Variants in NRXN3 observed in about 807,000 individuals in gnomAD.
NRXN3 encodes neurexin 3.
In NRXN3, 32 loss-of-function variants were observed where a neutral mutation model predicts 137.6. The ratio of observed to expected loss-of-function variants is 0.23; its 90% CI spans 0.18 to 0.31. The LOEUF is 0.31. Among genes scored for constraint, NRXN3 ranks in the 10% least tolerant of loss-of-function variants. The pLI is 1.00. For synonymous variants in NRXN3, 798 were observed against 784.5 expected (o/e 1.02, Z -0.29); for missense variants, 1,574 against 2,062.5 (o/e 0.76, Z 4.59).
At chr14:79,069,087 C>T (rs2099684248) in intron 15 of NRXN3, among the ~76,000 whole-genome samples, 1 of 152,000 alleles carries the variant, frequency 6.6e-6, no homozygotes, top group African/African-American at 2.4e-5. Context: ...CTGAATTTCT[C>T]TCCAGGGCAT....
intron 10 of NRXN3, among the ~76,000 whole-genome samples, chr14:78,849,951 A>G (rs1805531996): frequency 6.6e-6 from 1 of 152,134 alleles, no homozygotes; most frequent in African/African-American, 2.4e-5. Flanking sequence ...GAACAATAAG[A>G]CCCTGTGCCA....
chr14:78,248,184 T>C lies in NRXN3; in HGVS notation c.709+4382T>C, dbSNP rs566044904. Among the ~76,000 whole-genome samples, 148 of 152,158 alleles carry C rather than the reference T, an allele frequency of 9.7e-4. No homozygotes were observed. The South Asian group carries it at 0.01, about 10-fold the overall frequency. ...TTTGTCTCGATACTTAGCTGTTATGTTTTCAAGTGTTGGAATCCTCTAGTG... is the reference window on the plus strand; with the variant it reads ...TTTGTCTCGATACTTAGCTGTTATGCTTTCAAGTGTTGGAATCCTCTAGTG... On this transcript the variant is annotated intron_variant, in intron 2 of 20. Coordinates refer to ENST00000335750, the MANE Select transcript of NRXN3 (RefSeq NM_001330195.2).
chr14:79,096,731 T>G (rs2050417715), intron 15 of NRXN3, among the ~76,000 whole-genome samples: 1 of 152,304 alleles, frequency 6.6e-6, no homozygotes, highest in East Asian at 1.9e-4. Flanking sequence ...TTTCTATTGC[T>G]GCTGCCCATA....
At chr14:78,383,871 A>G (rs2089541717) in intron 4 of NRXN3, among the ~76,000 whole-genome samples, 1 of 152,184 alleles carries the variant, frequency 6.6e-6, no homozygotes, top group South Asian at 2.1e-4. Context: ...CCTTGACCTT[A>G]TAAAATTCCC....
intron 10 of NRXN3, among the ~76,000 whole-genome samples, chr14:78,884,419 C>T (rs974991254): frequency 6.6e-6 from 1 of 152,160 alleles, no homozygotes; most frequent in Admixed American, 6.5e-5. Context: ...CTCCTGCCCA[C>T]ATCAGTTTTT....
chr14:78,280,872 T>C (rs2074315431), intron 3 of NRXN3, among the ~76,000 whole-genome samples: 1 of 152,164 alleles, frequency 6.6e-6, no homozygotes, highest in Non-Finnish European at 1.5e-5. Context: ...ATTTCATGGC[T>C]GTTGTCTCAT....
chr14:78,779,996 C>T (rs975296759), intron 8 of NRXN3, among the ~76,000 whole-genome samples: 4 of 151,286 alleles, frequency 2.6e-5, no homozygotes, highest in African/African-American at 9.7e-5. Flanking sequence ...CAAAAATAGC[C>T]AAGACAACTC....
intron 4 of NRXN3, among the ~76,000 whole-genome samples, chr14:78,317,041 G>A (rs1279241528): frequency 6.6e-6 from 1 of 152,174 alleles, no homozygotes; most frequent in Non-Finnish European, 1.5e-5. Context: ...AAGCTGAGAA[G>A]TCTTATGATC....
intron 16 of NRXN3, among the ~76,000 whole-genome samples, chr14:79,545,697 C>A (rs1244371682): frequency 6.6e-6 from 1 of 151,218 alleles, no homozygotes; most frequent in Non-Finnish European, 1.5e-5. Flanking sequence ...TGTTTTTTCA[C>A]CAGGAAATGG....
chr14:79,135,705 A>G (rs1288865016), intron 15 of NRXN3, among the ~76,000 whole-genome samples: 1 of 152,242 alleles, frequency 6.6e-6, no homozygotes, highest in Non-Finnish European at 1.5e-5. Flanking sequence ...CAAAGATCTG[A>G]ATAATAATCA....
rs371586269 is a variant in NRXN3 at position 79,725,468 on chromosome 14, A to G, written c.4014+27531A>G. On this transcript the variant is annotated intron_variant, in intron 19 of 20. Transcript: ENST00000335750. ...GGGTGTGTGTCATTGTAAAAGGACT[A>G]TAGGATTGGAAGTGGACACGTGAAT... is the stretch of plus-strand genomic sequence containing the variant. Among the ~76,000 whole-genome samples the G allele has an allele frequency of 1.4e-4, 22 of 152,250 alleles. No homozygotes were observed. In the East Asian group the frequency reaches 1.9e-3, roughly 13 times the overall value.
chr14:78,606,795 T>C (rs1016064564), intron 4 of NRXN3, among the ~76,000 whole-genome samples: 5 of 152,194 alleles, frequency 3.3e-5, no homozygotes, highest in African/African-American at 1.2e-4. Flanking sequence ...ATACTCTCTG[T>C]TGCAAAGCCA....
chr14:79,271,063 C>A (rs1566620581), intron 15 of NRXN3, among the ~76,000 whole-genome samples: 1 of 152,160 alleles, frequency 6.6e-6, no homozygotes, highest in Non-Finnish European at 1.5e-5. Flanking sequence ...TATTTTAGAT[C>A]TGTATCTATC....
intron 19 of NRXN3, among the ~76,000 whole-genome samples, chr14:79,738,340 CACACACACACACACAG>C (rs2098949303): frequency 6.7e-6 from 1 of 150,244 alleles, no homozygotes; most frequent in South Asian, 2.2e-4. Flanking sequence ...CACACACACA[CACACACACACACACAG>C]AGGAGAAGGT....
At chr14:78,311,523 A>G (rs1031076852) in intron 4 of NRXN3, among the ~76,000 whole-genome samples, 2 of 152,182 alleles carry the variant, frequency 1.3e-5, no homozygotes, top group Non-Finnish European at 2.9e-5. Flanking sequence ...TTAAAACATT[A>G]TGAGATTTTT....
rs546204612 is a variant in NRXN3, at chr14:78,213,326, C to T, written c.-703-29065C>T. Among the ~76,000 whole-genome samples, 3 of 152,170 alleles carry T rather than the reference C, an allele frequency of 2.0e-5. No homozygotes were observed. The South Asian group carries it at 6.2e-4, about 32-fold the overall frequency. ...TAGGATGAGTTCTCCAAGAAGCAGACATCAAAACAGGATTGATTAGACATG... is the reference window on the plus strand; with the variant it reads ...TAGGATGAGTTCTCCAAGAAGCAGATATCAAAACAGGATTGATTAGACATG... On this transcript the variant is annotated intron_variant, in intron 1 of 20. Transcript: ENST00000335750.
At chr14:79,070,040 T>C (rs913760873) in intron 15 of NRXN3, among the ~76,000 whole-genome samples, 5 of 152,180 alleles carry the variant, frequency 3.3e-5, no homozygotes, top group Non-Finnish European at 7.3e-5. Context: ...AGACTTTGAG[T>C]TTTGTATGTG....
At chr14:78,773,702 C>G (rs1419122889) in intron 8 of NRXN3, among the ~76,000 whole-genome samples, 2 of 152,166 alleles carry the variant, frequency 1.3e-5, no homozygotes. Context: ...GTTTTGACAT[C>G]TTCGCCAGCC....
intron 10 of NRXN3, among the ~76,000 whole-genome samples, chr14:78,909,704 C>A (rs73323334): frequency 0.017 from 2,620 of 152,058 alleles, 71 homozygotes; most frequent in African/African-American, 0.06. Context: ...TTCCCAGGAC[C>A]CTCAATTCTT....
Sources: gnomAD v4.1 joint callset for allele counts (sites outside exome capture counted in the v4.1 genomes callset) on GRCh38, gnomAD v4.1.1 for gene constraint, MANE v1.5 for transcripts, NCBI Gene and HGNC (gene_info 2026-07-23, HGNC 2026-07-21) for gene names.